Variants in ADAMTS16 observed in about 807,000 individuals in gnomAD.
ADAMTS16 encodes the protein A disintegrin and metalloproteinase with thrombospondin motifs 16.
In ADAMTS16, 94 loss-of-function variants were observed where a neutral mutation model predicts 145.8. The observed-to-expected ratio is 0.64, with a 90% CI of 0.55 to 0.77. ADAMTS16 has a LOEUF of 0.77. Ranked by LOEUF, ADAMTS16 falls within the 30% of genes least tolerant of loss-of-function variation. The pLI, the probability that ADAMTS16 is intolerant of heterozygous loss-of-function variation, is 0.00. For synonymous variants in ADAMTS16, 659 were observed against 604.3 expected (o/e 1.09, Z -1.33); for missense variants, 1,585 against 1,591.5 (o/e 1.00, Z 0.07).
intron 17 of ADAMTS16, among the ~76,000 whole-genome samples, chr5:5,249,371 A>G (rs972036868): frequency 3.3e-5 from 5 of 152,154 alleles, no homozygotes; most frequent in Non-Finnish European, 7.4e-5. Flanking sequence ...TTATTACTGG[A>G]TAATGGAAAC....
In ADAMTS16 at chr5:5,262,665, A is replaced by G; in HGVS notation, c.2671A>G (p.Thr891Ala). 6.2e-7 allele frequency: 1 copy of G among 1,613,912 alleles called. No individual in the cohort carries two copies. The highest frequency in any genetic ancestry group is 8.5e-7 in the Non-Finnish European group (1 of 1,179,920). ...TTCATCCTTGCCTGCAGGACAGATG[A>G]CCGTGAGAGAGGGCTGCTACAGAGA... Reference protein sequence around the residue: ...CSVSCGGGQMTVREGCYRDLK... With the variant: ...CSVSCGGGQMAVREGCYRDLK... The change falls in exon 18 of 23, where the codon ACC (threonine) becomes GCC (alanine). Residue 891 changes from threonine to alanine, a missense_variant. Thr to Ala is a moderately conservative substitution (Grantham distance 58). Coordinates refer to ENST00000274181, the MANE Select transcript of ADAMTS16 (RefSeq NM_139056.4).
intron 16 of ADAMTS16, 139 bp downstream of exon 16, chr5:5,240,064 G>A: frequency 3.7e-6 from 5 of 1,363,660 alleles, no homozygotes; most frequent in Non-Finnish European, 4.9e-6. Flanking sequence ...CCGGAATGAG[G>A]CAGCAGGCTT....
At chr5:5,201,353 A>T (rs1227964316) in intron 9 of ADAMTS16, among the ~76,000 whole-genome samples, 1 of 152,198 alleles carries the variant, frequency 6.6e-6, no homozygotes, top group African/African-American at 2.4e-5. Context: ...GTAAATAAAA[A>T]TATTTTTAAA....
intron 21 of ADAMTS16, among the ~76,000 whole-genome samples, chr5:5,314,709 T>C (rs1219038890): frequency 6.6e-6 from 1 of 152,142 alleles, no homozygotes; most frequent in Non-Finnish European, 1.5e-5. Context: ...TCACGGGGAA[T>C]TGTAAAACTC....
intron 18 of ADAMTS16, among the ~76,000 whole-genome samples, chr5:5,265,950 A>G (rs2913665): frequency 0.28 from 42,515 of 151,492 alleles, 6,036 homozygotes; most frequent in East Asian, 0.37. Flanking sequence ...TACCAGTGCT[A>G]TGAAGTGGGG....
Position 5,173,695 on chromosome 5 carries a change from G to A in ADAMTS16, c.502-8349G>A, listed in dbSNP as rs183594405. 6.5e-4 allele frequency among the ~76,000 whole-genome samples: 99 copies of A among 151,972 alleles called. 2 individuals are homozygous for A. The highest frequency in any genetic ancestry group is 7.2e-4 in the Admixed American group (11 of 15,268). ...TCACCATGTTAGCCAGGATGGTCTCGCTCTCCTGACCTCATGATCTGCCTG... is the reference window on the plus strand; with the variant it reads ...TCACCATGTTAGCCAGGATGGTCTCACTCTCCTGACCTCATGATCTGCCTG... On this transcript the variant is annotated intron_variant, in intron 3 of 22. Coordinates refer to ENST00000274181, the MANE Select transcript of ADAMTS16 (RefSeq NM_139056.4).
At position 5,209,637 on chromosome 5, in the gene ADAMTS16, C is replaced by T. The variant is rs144345104; in HGVS notation, c.1605+391C>T. 3.9e-3 allele frequency among the ~76,000 whole-genome samples: 590 copies of T among 152,254 alleles called. 3 individuals carry two copies. The highest frequency in any genetic ancestry group is 0.014 in the African/African-American group (567 of 41,528). On this transcript the variant is annotated intron_variant, in intron 10 of 22. Transcript: ENST00000274181. ...AGCATACTTTACTATAAAGCAGCAG[C>T]TTACCTAGGGCTACTGATTAATAAA...
At chr5:5,212,080 TC>T (rs1257428906) in intron 10 of ADAMTS16, among the ~76,000 whole-genome samples, 1 of 152,172 alleles carries the variant, frequency 6.6e-6, no homozygotes, top group Non-Finnish European at 1.5e-5. Context: ...TTCTGCATCA[TC>T]CATCATATTT....
In ADAMTS16 at chr5:5,182,126, C is replaced by T; in HGVS notation, c.584C>T (p.Ala195Val). The T allele has an allele frequency of 6.2e-7, 1 of 1,614,092 alleles. No homozygotes were observed. Among genetic ancestry groups the T allele is most frequent in the Non-Finnish European group, 8.5e-7 (1 of 1,180,020 alleles). The change falls in exon 4 of 23, where the codon GCC (alanine) becomes GTC (valine). Residue 195 changes from alanine to valine, a missense_variant. Physicochemically the swap from Ala to Val is moderately conservative, Grantham distance 64. This residue lies in a region of ADAMTS16 where 453 missense variants were observed against 412.1 expected (regional missense o/e 1.10). Transcript: ENST00000274181. Reference protein sequence around the residue: ...SHLSWKLGRAAQGSSPSHVLY... With the variant: ...SHLSWKLGRAVQGSSPSHVLY... ...CTCTCATGGAAACTCGGCAGAGCTG[C>T]CCAAGGCAGCTCGCCATCCCACGTA... is the stretch of plus-strand genomic sequence containing the variant.
chr5:5,182,908 C>T (rs1162184095), intron 4 of ADAMTS16, among the ~76,000 whole-genome samples: 1 of 152,162 alleles, frequency 6.6e-6, no homozygotes, highest in Non-Finnish European at 1.5e-5. Flanking sequence ...GAGCTCTCTC[C>T]TCAAACATCA....
intron 13 of ADAMTS16, among the ~76,000 whole-genome samples, 165 bp from the exon 14 acceptor site, chr5:5,236,798 GAAACAA>G (rs1737122479): frequency 6.6e-6 from 1 of 151,914 alleles, no homozygotes; most frequent in African/African-American, 2.4e-5. Flanking sequence ...TAAATTTAAA[GAAACAA>G]AACAAAACAT....
At chr5:5,237,501 G>C (rs1366722745) in intron 14 of ADAMTS16, among the ~76,000 whole-genome samples, 1 of 152,166 alleles carries the variant, frequency 6.6e-6, no homozygotes, top group Non-Finnish European at 1.5e-5. Flanking sequence ...GGGAAAGTGG[G>C]GGACTGGGGG....
chr5:5,241,940 A>T, intron 16 of ADAMTS16, 113 bp from the exon 17 acceptor site: 1 of 1,279,328 alleles, frequency 7.8e-7, no homozygotes, highest in Non-Finnish European at 1.1e-6. Flanking sequence ...TTTTATCATC[A>T]TAACAAACTT....
At chr5:5,281,235 G>A (rs932759974) in intron 18 of ADAMTS16, among the ~76,000 whole-genome samples, 2 of 152,136 alleles carry the variant, frequency 1.3e-5, no homozygotes, top group Non-Finnish European at 2.9e-5. Flanking sequence ...GTAGCCCTAA[G>A]TTACATAAGC....
chr5:5,286,811 T>G (rs1579381275), intron 18 of ADAMTS16, among the ~76,000 whole-genome samples: 2 of 127,942 alleles, frequency 1.6e-5, no homozygotes, highest in East Asian at 2.3e-4. Flanking sequence ...TGAGCCGAGA[T>G]AGTGCCACTG....
Position 5,319,154 on chromosome 5 carries a change from C to A in ADAMTS16, c.*16C>A. 6.3e-7 allele frequency: 1 copy of A among 1,579,552 alleles called. No homozygotes were observed. The highest frequency in any genetic ancestry group is 8.7e-7 in the Non-Finnish European group (1 of 1,155,254). On this transcript the variant is annotated 3_prime_UTR_variant, in exon 23 of 23. Transcript: ENST00000274181. ...CAACTTGTGAGTTGGGACCGCTCTC[C>A]GTAGCAGAGAAAGTGCCTGCGTGGC...
intron 8 of ADAMTS16, among the ~76,000 whole-genome samples, chr5:5,196,977 C>T (rs1053003533): frequency 2.0e-5 from 3 of 152,200 alleles, no homozygotes; most frequent in South Asian, 2.1e-4. Flanking sequence ...CTCAGTTCCC[C>T]GCAACTGCTG....
intron 3 of ADAMTS16, among the ~76,000 whole-genome samples, chr5:5,169,304 A>T (rs1304970137): frequency 2.0e-5 from 3 of 152,218 alleles, no homozygotes; most frequent in Non-Finnish European, 4.4e-5. Context: ...ATTCATGCTT[A>T]GCTGCTACGA....
intron 3 of ADAMTS16, among the ~76,000 whole-genome samples, chr5:5,162,720 GAGAGAGAGAAAA>G (rs1418070920): frequency 6.6e-6 from 1 of 151,344 alleles, no homozygotes; most frequent in Non-Finnish European, 1.5e-5. Context: ...AAAGACCAGA[GAGAGAGAGAAAA>G]AGAGAGAGAG....
Sources: allele counts gnomAD v4.1 joint callset (sites outside exome capture counted in the v4.1 genomes callset), GRCh38; gene constraint gnomAD v4.1.1; regional missense constraint gnomAD v4.1.1; transcripts MANE v1.5; gene names NCBI Gene and HGNC (gene_info 2026-07-23, HGNC 2026-07-21).